Variants in GOSR1 observed in about 807,000 individuals in gnomAD.
GOSR1 encodes the protein 28 kDa Golgi SNARE protein.
GOSR1 carries 21 observed loss-of-function variants against 35.5 expected under a neutral mutation model. That is an observed-to-expected ratio of 0.59 (90% CI 0.42 to 0.85). The LOEUF is 0.85. GOSR1 is among the 40% of genes least tolerant of loss of function. The probability of loss-of-function intolerance (pLI) is 0.00; values close to 1 mark genes in which losing one functional copy is unlikely to be tolerated. For missense variants in GOSR1, 285 were observed against 309.6 expected (o/e 0.92, Z 0.60); for synonymous variants, 94 against 106.6 (o/e 0.88, Z 0.73).
chr17:30,491,613 C>T (rs1016944775), intron 5 of GOSR1, among the ~76,000 whole-genome samples: 6 of 151,730 alleles, frequency 4.0e-5, no homozygotes, highest in East Asian at 3.9e-4. Flanking sequence ...GAGCTGTGAT[C>T]GTGCCACTGC....
At position 30,517,868 on chromosome 17, in the gene GOSR1, T is replaced by C. The variant is rs79610210; in HGVS notation, c.540-2071T>C. The stretch of plus-strand genomic sequence containing the variant: ...CTTCTAGCATTTCCCTTCAATAAGA[T>C]ACATGGTGGTTTACTCTGTGAGACC... On this transcript the variant is annotated intron_variant, in intron 7 of 8. Coordinates refer to ENST00000451249, the MANE Select transcript of GOSR1 (RefSeq NM_001007025.2). Among the ~76,000 whole-genome samples, 971 of 152,310 alleles carry C rather than the reference T, an allele frequency of 6.4e-3. 9 individuals carry two copies. Among genetic ancestry groups the C allele is most frequent in the African/African-American group, 0.023 (940 of 41,552 alleles).
intron 6 of GOSR1, among the ~76,000 whole-genome samples, chr17:30,498,767 T>A (rs1267045466): frequency 2.0e-5 from 3 of 152,182 alleles, no homozygotes; most frequent in African/African-American, 4.8e-5. Flanking sequence ...GAGGACACAC[T>A]GGGCAAAAGA....
At chr17:30,495,102 T>C (rs568444851) in intron 6 of GOSR1, among the ~76,000 whole-genome samples, 2 of 147,330 alleles carry the variant, frequency 1.4e-5, no homozygotes, top group South Asian at 2.1e-4. Flanking sequence ...GCAGGAGAAT[T>C]GCTTGAACCC....
intron 6 of GOSR1, among the ~76,000 whole-genome samples, chr17:30,510,142 C>T (rs1474452272): frequency 6.6e-6 from 1 of 152,070 alleles, no homozygotes; most frequent in African/African-American, 2.4e-5. Flanking sequence ...ATGATGATTT[C>T]GGCTCACTGC....
At chr17:30,482,509 A>G (rs1404220806) in intron 2 of GOSR1, among the ~76,000 whole-genome samples, 1 of 152,182 alleles carries the variant, frequency 6.6e-6, no homozygotes, top group Non-Finnish European at 1.5e-5. Context: ...GTTAATCCAC[A>G]CTTATTTTAC....
intron 2 of GOSR1, chr17:30,482,928 G>T (rs1179447631): frequency 5.3e-5 from 8 of 152,032 alleles, no homozygotes; most frequent in Non-Finnish European, 1.0e-4. Flanking sequence ...CATTTCCCAA[G>T]AAATTCTACC....
At chr17:30,488,799 A>G (rs1383805021) in intron 4 of GOSR1, among the ~76,000 whole-genome samples, 1 of 152,092 alleles carries the variant, frequency 6.6e-6, no homozygotes, top group Admixed American at 6.6e-5. Flanking sequence ...CAGCCTCCCA[A>G]AGTGCTGGGA....
At chr17:30,480,955 G>T (rs376987628) in intron 1 of GOSR1, 188 bp from the exon 2 acceptor site, 2 of 441,484 alleles carry the variant, frequency 4.5e-6, no homozygotes, top group Non-Finnish European at 8.5e-6. Context: ...CAGGTGATCC[G>T]CCCACCTTGG....
chr17:30,496,598 AT>A (rs771999477), intron 6 of GOSR1, among the ~76,000 whole-genome samples: 3 of 152,150 alleles, frequency 2.0e-5, no homozygotes, highest in Non-Finnish European at 2.9e-5. Context: ...ACAAGATGCA[AT>A]TTATTTGCCA....
chr17:30,501,233 C>T lies in GOSR1; in HGVS notation c.509+8480C>T, dbSNP rs1967192917. Among the ~76,000 whole-genome samples the T allele has an allele frequency of 2.0e-5, 3 of 152,044 alleles. No individual in the cohort carries two copies. The South Asian group carries it at 6.2e-4, about 32-fold the overall frequency. On this transcript the variant is annotated intron_variant, in intron 6 of 8. Transcript: ENST00000451249. ...TAAAGTGGAAAAAAGATCTGAACAG[C>T]CATCTTAACCAAGGAAGATATACAG...
chr17:30,501,514 C>T (rs557858159), intron 6 of GOSR1, among the ~76,000 whole-genome samples: 44 of 150,550 alleles, frequency 2.9e-4, no homozygotes, highest in East Asian at 7.8e-4. Flanking sequence ...TTTTTTTTTC[C>T]GAGACAGAGT....
intron 6 of GOSR1, 56 bp from the exon 7 acceptor site, chr17:30,510,824 G>C: frequency 1.1e-6 from 1 of 919,854 alleles, no homozygotes; most frequent in South Asian, 1.4e-5. Flanking sequence ...AATTAATACA[G>C]GTTTTACATG....
intron 8 of GOSR1, 79 bp from the exon 9 acceptor site, chr17:30,522,175 A>T: frequency 2.7e-6 from 3 of 1,131,442 alleles, no homozygotes; most frequent in South Asian, 3.3e-5. Context: ...GACACCACTG[A>T]TCTCTATTTT....
At chr17:30,483,883 T>C (rs1444113955) in intron 2 of GOSR1, among the ~76,000 whole-genome samples, 1 of 152,228 alleles carries the variant, frequency 6.6e-6, no homozygotes, top group Non-Finnish European at 1.5e-5. Flanking sequence ...TGGAGAAGAT[T>C]AGTACCAAAG....
At chr17:30,513,980 G>T (rs778827753) in intron 7 of GOSR1, among the ~76,000 whole-genome samples, 23 of 152,118 alleles carry the variant, frequency 1.5e-4, no homozygotes, top group Non-Finnish European at 3.1e-4. Context: ...TTGATATATG[G>T]GCCAGCATAG....
At chr17:30,484,356 A>C in intron 3 of GOSR1, 55 bp downstream of exon 3, 1 of 941,362 alleles carries the variant, frequency 1.1e-6, no homozygotes, top group Admixed American at 1.7e-5. Context: ...CTTGTTACGT[A>C]GGATCCTGGA....
At chr17:30,477,609 G>A in intron 1 of GOSR1, 145 bp downstream of exon 1, 1 of 1,375,840 alleles carries the variant, frequency 7.3e-7, no homozygotes. Context: ...TGGGATCCCC[G>A]GGGCCTTGGG....
At chr17:30,507,324 T>C (rs1020182492) in intron 6 of GOSR1, among the ~76,000 whole-genome samples, 1 of 152,078 alleles carries the variant, frequency 6.6e-6, no homozygotes, top group African/African-American at 2.4e-5. Flanking sequence ...TTGGAAGAAA[T>C]TGATTTCAAC....
intron 1 of GOSR1, chr17:30,477,867 G>A (rs1914047147): frequency 1.0e-6 from 1 of 985,192 alleles, no homozygotes; most frequent in Non-Finnish European, 1.2e-6. Context: ...GCGCATTGGA[G>A]CTGAGGTCAC....
Sources: gnomAD v4.1 joint callset for allele counts (sites outside exome capture counted in the v4.1 genomes callset) on GRCh38, gnomAD v4.1.1 for gene constraint, MANE v1.5 for transcripts, NCBI Gene and HGNC (gene_info 2026-07-23, HGNC 2026-07-21) for gene names.